The following FLNC variants were observed in gnomAD, a reference collection of about 807,000 sequenced individuals.
FLNC encodes the protein filamin-C.
FLNC carries 91 observed loss-of-function variants against 254.3 expected under a neutral mutation model. That is an observed-to-expected ratio of 0.36 (90% CI 0.30 to 0.43). FLNC has a LOEUF of 0.43. FLNC is among the 20% of genes least tolerant of loss of function. The pLI is 1.00. For synonymous variants in FLNC, 1,430 were observed against 1,577.2 expected (o/e 0.91, Z 2.21); for missense variants, 2,853 against 3,802.6 (o/e 0.75, Z 6.57).
chr7:128,849,058 C>G (rs1808693950), intron 28 of FLNC, 76 bp downstream of exon 28: 1 of 1,589,422 alleles, frequency 6.3e-7, no homozygotes, highest in South Asian at 1.1e-5. Context: ...TGGCCTGGTC[C>G]CCAGGGGTCT....
chr7:128,853,600 T>C lies in FLNC; in HGVS notation c.6340T>C (p.Phe2114Leu), dbSNP rs754957426. The change falls in exon 38 of 48, where the codon TTT becomes CTT. Residue 2114 changes from phenylalanine to leucine, a missense_variant. This residue lies in a region of FLNC where 551 missense variants were observed against 835.0 expected (regional missense o/e 0.66). Coordinates refer to ENST00000325888, the MANE Select transcript of FLNC (RefSeq NM_001458.5). ...CGGCACCTACATCATCAACATCAAG[T>C]TTGCTGACAAGCACGTGCCTGGTAA... ...EPGTYIINIKFADKHVPGSPF... is the reference protein window; with the variant it reads ...EPGTYIINIKLADKHVPGSPF... The C allele has an allele frequency of 5.0e-6, 8 of 1,613,920 alleles. No homozygotes were observed. The East Asian group carries it at 1.8e-4, about 36-fold the overall frequency.
Position 128,857,046 on chromosome 7 carries a change from G to T in FLNC, c.7562-72G>T. 6.3e-7 allele frequency: 1 copy of T among 1,576,596 alleles called. No homozygotes were observed. Among genetic ancestry groups the T allele is most frequent in the South Asian group, 1.1e-5 (1 of 90,194 alleles). On this transcript the variant is annotated intron_variant, in intron 45 of 47. Transcript: ENST00000325888. The surrounding 1 kb of genome is among the most constrained non-coding windows in gnomAD (Gnocchi z 4.5). Reference sequence around the variant, plus strand: ...CAGGAGTCCCCACAGAGGCTGTCCAGGGAGCTGGGGCCCAGTCCCTCTTGG... The same window carrying T: ...CAGGAGTCCCCACAGAGGCTGTCCATGGAGCTGGGGCCCAGTCCCTCTTGG...
Position 128,854,445 on chromosome 7 carries a change from G to A in FLNC, c.6760G>A (p.Val2254Met), listed in dbSNP as rs1272552868. The A allele has an allele frequency of 1.2e-6, 2 of 1,610,500 alleles. 1 individual carries two copies. The highest frequency in any genetic ancestry group is 4.5e-5 in the East Asian group (2 of 44,780). ...EASSQDMTAQ[V>M]TSPSGKVEAA... ...CAGCTCTCAGGACATGACTGCACAG[G>A]TGACCAGCCCATCGGGCAAGGTGGA... The change falls in exon 41 of 48, where the codon GTG (valine) becomes ATG (methionine). Residue 2254 changes from valine to methionine, a missense_variant. This residue lies in a region of FLNC where 551 missense variants were observed against 835.0 expected (regional missense o/e 0.66). Coordinates refer to ENST00000325888, the MANE Select transcript of FLNC (RefSeq NM_001458.5).
intron 32 of FLNC, 140 bp from the exon 33 acceptor site, chr7:128,850,663 G>A: frequency 7.2e-7 from 1 of 1,381,114 alleles, no homozygotes; most frequent in Admixed American, 1.9e-5. Flanking sequence ...CCAGTTCAGG[G>A]CTCAGGCCAC....
chr7:128,834,887 A>G (rs906145060), intron 1 of FLNC, among the ~76,000 whole-genome samples: 2 of 152,080 alleles, frequency 1.3e-5, no homozygotes, highest in Non-Finnish European at 2.9e-5. Context: ...ATCTGTGGTG[A>G]CGGCTTCGTG....
Position 128,848,048 on chromosome 7 carries a change from TG to T in FLNC, c.4561del (p.Asp1521ThrfsTer86). ...GPYTVAVKYA[D>X]QEVPRSPFKI... ...CCTACACGGTAGCCGTCAAGTATGC[TG>T]ACCAGGAGGTGCCACGCAGGTGAGG... is the stretch of plus-strand genomic sequence containing the variant. On this transcript the variant is annotated frameshift_variant, in exon 26 of 48. Transcript: ENST00000325888. LOFTEE classifies it high-confidence loss of function. The T allele has an allele frequency of 6.2e-7, 1 of 1,606,300 alleles. No homozygotes were observed. The highest frequency in any genetic ancestry group is 8.5e-7 in the Non-Finnish European group (1 of 1,176,188).
Position 128,838,823 on chromosome 7 carries a change from C to G in FLNC, c.1411+20C>G, listed in dbSNP as rs1434883225. The G allele has an allele frequency of 1.0e-5, 16 of 1,605,602 alleles. No homozygotes were observed. Among genetic ancestry groups the G allele is most frequent in the Non-Finnish European group, 1.4e-5 (16 of 1,174,108 alleles). On this transcript the variant is annotated intron_variant, in intron 8 of 47. Coordinates refer to ENST00000325888, the MANE Select transcript of FLNC (RefSeq NM_001458.5). ...CGGAAGGTAAGGGCCCTTCACTGCT[C>G]CCCACGGTAGCCCTTACCAAAGCCA...
rs1808108961 is a variant in FLNC, at chr7:128,836,790, C to T, written c.602-370C>T. 6.6e-6 allele frequency among the ~76,000 whole-genome samples: 1 copy of T among 152,190 alleles called. No individual in the cohort carries two copies. Among genetic ancestry groups the T allele is most frequent in the South Asian group, 2.1e-4 (1 of 4,832 alleles). Reference sequence around the variant, plus strand: ...GGCATATGTGGGACAGGCACTCTGACCTCCTCTGCCCACCCCTGAGAAAGC... The same window carrying T: ...GGCATATGTGGGACAGGCACTCTGATCTCCTCTGCCCACCCCTGAGAAAGC... On this transcript the variant is annotated intron_variant, in intron 2 of 47. Coordinates refer to ENST00000325888, the MANE Select transcript of FLNC (RefSeq NM_001458.5). The surrounding 1 kb of genome is among the most constrained non-coding windows in gnomAD (Gnocchi z 6.0).
At chr7:128,848,751 G>C (rs373258256) in intron 27 of FLNC, 34 bp downstream of exon 27, 36 of 1,613,972 alleles carry the variant, frequency 2.2e-5, no homozygotes, top group Admixed American at 1.3e-4. Flanking sequence ...CGCAGGTCAT[G>C]CTCCAGGCAC....
Position 128,852,871 on chromosome 7 carries a change from C to T in FLNC, c.6048C>T (p.Ser2016=), listed in dbSNP as rs369991887. The T allele has an allele frequency of 2.0e-5, 33 of 1,613,812 alleles. No homozygotes were observed. In the East Asian group the frequency reaches 2.2e-4, roughly 11 times the overall value. ...AGGAGGTCGGGGAGCACGTGGTGAG[C>T]GTGCGCAAGAGTGGCAAGCATGTCA... The part of the protein sequence containing the change: ...TPKEVGEHVV[S]VRKSGKHVTN... Residue 2016 remains serine (S), a synonymous_variant, in exon 37 of 48, where the codon AGC becomes AGT. Coordinates refer to ENST00000325888, the MANE Select transcript of FLNC (RefSeq NM_001458.5).
rs757254472 is a variant in FLNC at position 128,840,030 on chromosome 7, C to A, written c.1419C>A (p.Asn473Lys). ...PFPVHVSEAC[N>K]PNACRASGRG... ...TTTCTCTTCCTCCCCTAGCCTGTAA[C>A]CCCAACGCCTGCCGCGCCTCTGGGC... is the stretch of plus-strand genomic sequence containing the variant. The change falls in exon 9 of 48, where the codon AAC becomes AAA. Residue 473 changes from asparagine to lysine, a missense_variant. By Grantham distance (94) the Asn-to-Lys change is moderately conservative. Around this residue, in one of 10 missense-constraint regions of FLNC, gnomAD observed 1,573 missense variants for 1,883.5 expected, o/e 0.84. Coordinates refer to ENST00000325888, the MANE Select transcript of FLNC (RefSeq NM_001458.5). 1 of 1,613,554 alleles carries A rather than the reference C, an allele frequency of 6.2e-7. No homozygotes were observed.
Position 128,840,661 on chromosome 7 carries a change from G to A in FLNC, c.1663G>A (p.Ala555Thr), listed in dbSNP as rs1163059574. The A allele has an allele frequency of 6.8e-6, 11 of 1,614,098 alleles. No individual in the cohort carries two copies. The highest frequency in any genetic ancestry group is 2.2e-5 in the East Asian group (1 of 44,894). Residue 555 changes from alanine to threonine, a missense_variant, in exon 10 of 48, where the codon GCC becomes ACC. Around this residue, in one of 10 missense-constraint regions of FLNC, gnomAD observed 1,573 missense variants for 1,883.5 expected, o/e 0.84. Transcript: ENST00000325888. The stretch of plus-strand genomic sequence containing the variant: ...GGTGACCATCACGTGGGGCGGCTAC[G>A]CCATCCCTCGCAGGTGAGTACCTTG... ...YVVTITWGGY[A>T]IPRSPFEVQV...
At position 128,856,445 on chromosome 7, in the gene FLNC, G is replaced by C. The variant is rs767784147; in HGVS notation, c.7252-73G>C. On this transcript the variant is annotated intron_variant, in intron 43 of 47. Transcript: ENST00000325888. This position sits in a 1 kb window ranked among gnomAD's most constrained non-coding sequence, Gnocchi z 5.9. ...TTGGGCTGGGCTTACAGTGAGCACC[G>C]TGTGGGGCTTCAGAGAAGACTGCTC... is the stretch of plus-strand genomic sequence containing the variant. The C allele has an allele frequency of 2.9e-5, 46 of 1,583,294 alleles. No homozygotes were observed. The highest frequency in any genetic ancestry group is 1.9e-4 in the Middle Eastern group (1 of 5,338).
rs747642919 is a variant in FLNC at position 128,848,067 on chromosome 7, A to G, written c.4579A>G (p.Ser1527Gly). ...GTATGCTGACCAGGAGGTGCCACGC[A>G]GGTGAGGACCAGCCCTGGGCTCCTG... Reference protein sequence around the residue: ...VKYADQEVPRSPFKIKVLPAH... With the variant: ...VKYADQEVPRGPFKIKVLPAH... The change falls in exon 26 of 48, where the codon AGC becomes GGC. Residue 1527 changes from serine to glycine, a missense_variant and splice_region_variant. Transcript: ENST00000325888. 1 of 1,602,596 alleles carries G rather than the reference A, an allele frequency of 6.2e-7. No individual in the cohort carries two copies. The highest frequency in any genetic ancestry group is 2.3e-5 in the East Asian group (1 of 44,182).
In FLNC at chr7:128,847,800, C is replaced by T. The variant is rs1562998915; in HGVS notation, c.4392C>T (p.Thr1464=). ...GAGVRARVPQ[T]FTVDCSQAGR... The stretch of plus-strand genomic sequence containing the variant: ...GTGTCAGGGCCCGGGTTCCTCAGAC[C>T]TTCACAGTGGATTGCAGTCAAGCTG... Residue 1464 remains threonine, a synonymous_variant, in exon 25 of 48, where the codon ACC becomes ACT. Transcript: ENST00000325888. The T allele has an allele frequency of 5.6e-6, 9 of 1,613,714 alleles. No individual in the cohort carries two copies. The highest frequency in any genetic ancestry group is 5.9e-6 in the Non-Finnish European group (7 of 1,179,820).
Position 128,846,335 on chromosome 7 carries a change from C to T in FLNC, c.3999C>T (p.Val1333=), listed in dbSNP as rs1341936427. The change falls in exon 23 of 48, where the codon GTC becomes GTT. Residue 1333 remains valine (V), a synonymous_variant. Coordinates refer to ENST00000325888, the MANE Select transcript of FLNC (RefSeq NM_001458.5). Reference sequence around the variant, plus strand: ...TGGTGGAGGTCCTGTATGATGAGGTCGCTGTGCCCAAGAGCCCCTTCCGAG... The same window carrying T: ...TGGTGGAGGTCCTGTATGATGAGGTTGCTGTGCCCAAGAGCCCCTTCCGAG... The part of the protein sequence containing the change: ...VHLVEVLYDE[V]AVPKSPFRVG... 3.7e-6 allele frequency: 6 copies of T among 1,613,790 alleles called. No individual in the cohort carries two copies. Among genetic ancestry groups the T allele is most frequent in the South Asian group, 1.1e-5 (1 of 91,082 alleles).
chr7:128,830,581 C>A lies in FLNC; in HGVS notation c.-57C>A, dbSNP rs1807843184. The A allele has an allele frequency of 6.7e-7, 1 of 1,485,786 alleles. No homozygotes were observed. Among genetic ancestry groups the A allele is most frequent in the Non-Finnish European group, 9.3e-7 (1 of 1,074,246 alleles). The allele number at this position is 1,485,786 out of a possible 1,614,324, so 92.0% of individuals were successfully genotyped here. On this transcript the variant is annotated 5_prime_UTR_variant, in exon 1 of 48. Transcript: ENST00000325888. ...GTCGCGCCCCAACAGCGCCCGACAG[C>A]CCCCGATAGCCCAAACCGCGGCCCT...
Position 128,851,482 on chromosome 7 carries a change from C to T in FLNC, c.5696C>T (p.Pro1899Leu), listed in dbSNP as rs1220683493. 6.2e-7 allele frequency: 1 copy of T among 1,614,002 alleles called. No homozygotes were observed. Among genetic ancestry groups the T allele is most frequent in the Admixed American group, 1.7e-5 (1 of 60,034 alleles). The change falls in exon 35 of 48, where the codon CCA becomes CTA. Residue 1899 changes from proline (P) to leucine (L), a missense_variant. Pro to Leu is a moderately conservative substitution (Grantham distance 98). Around this residue, in one of 10 missense-constraint regions of FLNC, gnomAD observed 551 missense variants for 835.0 expected, o/e 0.66. Coordinates refer to ENST00000325888, the MANE Select transcript of FLNC (RefSeq NM_001458.5). Reference sequence around the variant, plus strand: ...GGTCTGTCACTGGCCGTGGAGGGCCCATCCAAGGCAGAGATCACCTGTAAG... The same window carrying T: ...GGTCTGTCACTGGCCGTGGAGGGCCTATCCAAGGCAGAGATCACCTGTAAG... ...EGGLSLAVEG[P>L]SKAEITCKDN...
rs1268909811 is a variant in FLNC, at chr7:128,857,330, G to T, written c.7774G>T (p.Val2592Phe). The T allele has an allele frequency of 6.2e-7, 1 of 1,612,384 alleles. No individual in the cohort carries two copies. The highest frequency in any genetic ancestry group is 1.7e-5 in the Admixed American group (1 of 60,014). The change falls in exon 46 of 48, where the codon GTC becomes TTC. Residue 2592 changes from valine to phenylalanine, a missense_variant. Coordinates refer to ENST00000325888, the MANE Select transcript of FLNC (RefSeq NM_001458.5). The surrounding 1 kb of genome is among the most constrained non-coding windows in gnomAD (Gnocchi z 4.5). Reference sequence around the variant, plus strand: ...CGTGGGCAGCCCCTTCAAGGCCAAGGTCACTGGTGAGTGCCAGTTTGGGGG... The same window carrying T: ...CGTGGGCAGCCCCTTCAAGGCCAAGTTCACTGGTGAGTGCCAGTTTGGGGG... The part of the protein sequence containing the change: ...HIVGSPFKAK[V>F]TGPRLSGGHS...
Sources: gnomAD v4.1 joint callset for allele counts (sites outside exome capture counted in the v4.1 genomes callset) on GRCh38, gnomAD v4.1.1 for gene constraint, gnomAD v4.1.1 regional missense constraint, Gnocchi (gnomAD v3.1) non-coding constraint, MANE v1.5 for transcripts, NCBI Gene and HGNC (gene_info 2026-07-23, HGNC 2026-07-21) for gene names.